The following KCNQ1 variants were observed in gnomAD, a reference collection of about 807,000 sequenced individuals.
KCNQ1 encodes the protein potassium voltage-gated channel subfamily KQT member 1.
Under a neutral mutation model 72.4 loss-of-function variants are expected in KCNQ1, and 49 were observed. The ratio of observed to expected loss-of-function variants is 0.68; its 90% CI spans 0.54 to 0.86. The LOEUF (loss-of-function observed/expected upper bound fraction) is 0.86. KCNQ1 is among the 40% of genes least tolerant of loss of function. KCNQ1 has a pLI of 0.00. For missense variants in KCNQ1, 790 were observed against 945.1 expected (o/e 0.84, Z 2.15); for synonymous variants, 450 against 412.6 (o/e 1.09, Z -1.10).
In KCNQ1 at chr11:2,776,083, G is replaced by C. The variant is rs775621807; in HGVS notation, c.1685+29G>C. 1.4e-5 allele frequency: 21 copies of C among 1,530,712 alleles called. No homozygotes were observed. The East Asian group carries it at 1.5e-4, about 11-fold the overall frequency. 94.8% of individuals were successfully genotyped at this position (1,530,712 alleles called of 1,614,324 possible). ...GGCACGGCCAAACGGCAGCGGGGAGGGTGCCCAGGTCCTGCCCAGCCCGGC... is the reference window on the plus strand; with the variant it reads ...GGCACGGCCAAACGGCAGCGGGGAGCGTGCCCAGGTCCTGCCCAGCCCGGC... On this transcript the variant is annotated intron_variant, in intron 13 of 15. Transcript: ENST00000155840.
rs1331485407 is a variant in KCNQ1 at position 2,848,503 on chromosome 11, G to T, written c.*500G>T. On this transcript the variant is annotated 3_prime_UTR_variant, in exon 16 of 16. Coordinates refer to ENST00000155840, the MANE Select transcript of KCNQ1 (RefSeq NM_000218.3). Reference sequence around the variant, plus strand: ...GGCCGCCGGCAATAAAAGCCCAGGAGCCCATTTGGAGGGCCTGGGCCTGGC... The same window carrying T: ...GGCCGCCGGCAATAAAAGCCCAGGATCCCATTTGGAGGGCCTGGGCCTGGC... 1.1e-5 allele frequency: 5 copies of T among 455,604 alleles called. No individual in the cohort carries two copies. Among genetic ancestry groups the T allele is most frequent in the African/African-American group, 2.0e-5 (1 of 50,072 alleles). 28.2% of individuals were successfully genotyped at this position (455,604 alleles called of 1,614,324 possible). A position where few individuals can be genotyped will look rare whatever the true frequency, so the allele number is the denominator to read the frequency against.
intron 2 of KCNQ1, among the ~76,000 whole-genome samples, chr11:2,542,137 C>G (rs1027284652): frequency 6.6e-6 from 1 of 152,240 alleles, no homozygotes; most frequent in African/African-American, 2.4e-5. Context: ...CACACGTCAC[C>G]AATCCTCTCT....
Position 2,826,685 on chromosome 11 carries a change from A to G in KCNQ1, c.1795-21082A>G, listed in dbSNP as rs1847848325. Among the ~76,000 whole-genome samples the G allele has an allele frequency of 6.6e-6, 1 of 152,218 alleles. No individual in the cohort carries two copies. The highest frequency in any genetic ancestry group is 1.5e-5 in the Non-Finnish European group (1 of 68,022). ...AGAGGGAGAACAGAGAGGGGTGCAGAGGGCCAGAGAGGCACGGGGCTCCCC... is the reference window on the plus strand; with the variant it reads ...AGAGGGAGAACAGAGAGGGGTGCAGGGGGCCAGAGAGGCACGGGGCTCCCC... On this transcript the variant is annotated intron_variant, in intron 15 of 15. Coordinates refer to ENST00000155840, the MANE Select transcript of KCNQ1 (RefSeq NM_000218.3). This position sits in a 1 kb window ranked among gnomAD's most constrained non-coding sequence, Gnocchi z 4.2.
chr11:2,606,032 A>T (rs918079278), intron 10 of KCNQ1, among the ~76,000 whole-genome samples: 2 of 152,146 alleles, frequency 1.3e-5, no homozygotes, highest in Admixed American at 6.5e-5. Flanking sequence ...TTTCTTTATT[A>T]TGGTAAAAAT....
intron 15 of KCNQ1, among the ~76,000 whole-genome samples, chr11:2,834,621 G>T (rs538453563): frequency 6.6e-6 from 1 of 152,226 alleles, no homozygotes; most frequent in African/African-American, 2.4e-5. Context: ...GCAGGGAGGC[G>T]CTTGATGTCG....
chr11:2,475,620 G>A lies in KCNQ1; in HGVS notation c.386+30136G>A, dbSNP rs1279388581. Reference sequence around the variant, plus strand: ...TTCTAAATGGCTGGAGACATAGTCAGCTGTGAAGCTGTAACTTTCATGAAG... The same window carrying A: ...TTCTAAATGGCTGGAGACATAGTCAACTGTGAAGCTGTAACTTTCATGAAG... On this transcript the variant is annotated intron_variant, in intron 1 of 15. Coordinates refer to ENST00000155840, the MANE Select transcript of KCNQ1 (RefSeq NM_000218.3). This position sits in a 1 kb window ranked among gnomAD's most constrained non-coding sequence, Gnocchi z 5.8. 1.3e-5 allele frequency among the ~76,000 whole-genome samples: 2 copies of A among 152,198 alleles called. No individual in the cohort carries two copies. Among genetic ancestry groups the A allele is most frequent in the East Asian group, 1.9e-4 (1 of 5,200 alleles).
Position 2,647,693 on chromosome 11 carries a change from G to A in KCNQ1, c.1394-14268G>A. 1 of 398,454 alleles carries A rather than the reference G, an allele frequency of 2.5e-6. No homozygotes were observed. The highest frequency in any genetic ancestry group is 4.4e-5 in the Admixed American group (1 of 22,724). 24.7% of individuals were successfully genotyped at this position (398,454 alleles called of 1,614,324 possible). On this transcript the variant is annotated intron_variant, in intron 10 of 15. Transcript: ENST00000155840. The surrounding 1 kb of genome is among the most constrained non-coding windows in gnomAD (Gnocchi z 4.0). Reference sequence around the variant, plus strand: ...TCATTCCTTGTTATTGCTCTGTTCAGATTTTTTTTCTTCCTGGTTCAATCT... The same window carrying A: ...TCATTCCTTGTTATTGCTCTGTTCAAATTTTTTTTCTTCCTGGTTCAATCT...
In KCNQ1 at chr11:2,682,657, T is replaced by C. The variant is rs1365470606; in HGVS notation, c.1514+20576T>C. 1 of 398,650 alleles carries C rather than the reference T, an allele frequency of 2.5e-6. No individual in the cohort carries two copies. Among genetic ancestry groups the C allele is most frequent in the East Asian group, 3.6e-5 (1 of 28,074 alleles). The allele number at this position is 398,650 out of a possible 1,614,324, so 24.7% of individuals were successfully genotyped here. A position where few individuals can be genotyped will look rare whatever the true frequency, so the allele number is the denominator to read the frequency against. On this transcript the variant is annotated intron_variant, in intron 11 of 15. Transcript: ENST00000155840. The surrounding 1 kb of genome is among the most constrained non-coding windows in gnomAD (Gnocchi z 5.8). ...GTCATCCCTGCTTCCCCAGGGCTCA[T>C]GTCCACATGCTATTGTCCATAGAAG...
chr11:2,611,059 A>T lies in KCNQ1; in HGVS notation c.1393+22205A>T. ...CTGACAGTTTTATTTCATATACTTCAGGGCTGTGTTTTTAGCTGTTATAAA... is the reference window on the plus strand; with the variant it reads ...CTGACAGTTTTATTTCATATACTTCTGGGCTGTGTTTTTAGCTGTTATAAA... On this transcript the variant is annotated intron_variant, in intron 10 of 15. Transcript: ENST00000155840. This position sits in a 1 kb window ranked among gnomAD's most constrained non-coding sequence, Gnocchi z 5.3. 1 of 398,392 alleles carries T rather than the reference A, an allele frequency of 2.5e-6. No individual in the cohort carries two copies. 24.7% of individuals were successfully genotyped at this position (398,392 alleles called of 1,614,324 possible).
rs1335413360 is a variant in KCNQ1, at chr11:2,626,297, CTTGAG to C, written c.1394-35661_1394-35657del. On this transcript the variant is annotated intron_variant, in intron 10 of 15. Coordinates refer to ENST00000155840, the MANE Select transcript of KCNQ1 (RefSeq NM_000218.3). The surrounding 1 kb of genome is among the most constrained non-coding windows in gnomAD (Gnocchi z 4.0). The stretch of plus-strand genomic sequence containing the variant: ...TAGGTAAGGATCTCAACTTCATTCT[CTTGAG>C]TTAATTTTTGTGTATGGTATTAGGT... 6 of 398,290 alleles carry C rather than the reference CTTGAG, an allele frequency of 1.5e-5. No individual in the cohort carries two copies. Among genetic ancestry groups the C allele is most frequent in the Admixed American group, 8.8e-5 (2 of 22,692 alleles). 24.7% of individuals were successfully genotyped at this position (398,290 alleles called of 1,614,324 possible).
intron 10 of KCNQ1, chr11:2,649,869 T>G (rs1849730894): frequency 2.5e-6 from 1 of 398,438 alleles, no homozygotes; most frequent in South Asian, 1.3e-4. Flanking sequence ...AGGTATTATC[T>G]TCTTAAATAG....
At chr11:2,775,089 G>C (rs1846667950) in intron 12 of KCNQ1, among the ~76,000 whole-genome samples, 2 of 152,372 alleles carry the variant, frequency 1.3e-5, no homozygotes, top group South Asian at 4.1e-4. Context: ...TCTCGGGATA[G>C]AGGCAGTCTG....
chr11:2,517,284 A>G (rs736608), intron 1 of KCNQ1, among the ~76,000 whole-genome samples: 79,341 of 152,010 alleles, frequency 0.52, 21,443 homozygotes, highest in Non-Finnish European at 0.6. Context: ...GGGGGCATCC[A>G]GGTTCCTGGC....
Position 2,830,615 on chromosome 11 carries a change from GCAGGCTGGGGGCCAGCC to G in KCNQ1, c.1795-17147_1795-17131del, listed in dbSNP as rs1191001703. On this transcript the variant is annotated intron_variant, in intron 15 of 15. Coordinates refer to ENST00000155840, the MANE Select transcript of KCNQ1 (RefSeq NM_000218.3). This position sits in a 1 kb window ranked among gnomAD's most constrained non-coding sequence, Gnocchi z 7.7. Reference sequence around the variant, plus strand: ...AACTCACAGGGTCAGCCTGGGCCAGGCAGGCTGGGGGCCAGCCCAGGACCTCCTTCCTGGGTGGAGAC... The same window carrying G: ...AACTCACAGGGTCAGCCTGGGCCAGGCAGGACCTCCTTCCTGGGTGGAGAC... 2.0e-5 allele frequency among the ~76,000 whole-genome samples: 3 copies of G among 152,136 alleles called. No homozygotes were observed. Among genetic ancestry groups the G allele is most frequent in the Admixed American group, 6.5e-5 (1 of 15,280 alleles).
At chr11:2,522,477 C>T (rs531893083) in intron 1 of KCNQ1, among the ~76,000 whole-genome samples, 8 of 152,276 alleles carry the variant, frequency 5.3e-5, no homozygotes, top group Admixed American at 1.3e-4. Flanking sequence ...GACACAGGCA[C>T]CCCAGGCCCT....
intron 10 of KCNQ1, chr11:2,618,501 G>T (rs550759051): frequency 2.5e-6 from 1 of 398,514 alleles, no homozygotes. Context: ...TGGAAAATTG[G>T]TTGATCATAT....
At chr11:2,793,836 T>A (rs981437225) in intron 15 of KCNQ1, among the ~76,000 whole-genome samples, 1 of 152,190 alleles carries the variant, frequency 6.6e-6, no homozygotes, top group South Asian at 2.1e-4. Flanking sequence ...GCCCCATGGC[T>A]GGGCAGGGGG....
chr11:2,747,189 G>C (rs1284942856), intron 11 of KCNQ1, among the ~76,000 whole-genome samples: 2 of 152,270 alleles, frequency 1.3e-5, no homozygotes, highest in Non-Finnish European at 2.9e-5. Flanking sequence ...AAACTGTGCT[G>C]TTGGACGGGG....
At chr11:2,455,768 C>T (rs1846183718) in intron 1 of KCNQ1, among the ~76,000 whole-genome samples, 1 of 152,172 alleles carries the variant, frequency 6.6e-6, no homozygotes, top group South Asian at 2.1e-4. Flanking sequence ...AGGAACTAAG[C>T]CAGAGGCATC....
Sources: gnomAD v4.1 joint callset for allele counts (sites outside exome capture counted in the v4.1 genomes callset) on GRCh38, gnomAD v4.1.1 for gene constraint, Gnocchi (gnomAD v3.1) non-coding constraint, MANE v1.5 for transcripts, NCBI Gene and HGNC (gene_info 2026-07-23, HGNC 2026-07-21) for gene names.